TGFB2: variants seen among roughly 807,000 people sequenced by gnomAD.
TGFB2 encodes the protein transforming growth factor beta-2 proprotein.
In TGFB2, 13 loss-of-function variants were observed where a neutral mutation model predicts 42.7. The observed-to-expected ratio is 0.30, with a 90% CI of 0.20 to 0.48. The LOEUF is 0.48. Among genes scored for constraint, TGFB2 ranks in the 20% least tolerant of loss-of-function variants. The pLI is 0.99. For synonymous variants in TGFB2, 193 were observed against 193.6 expected (o/e 1.00, Z 0.03); for missense variants, 390 against 517.5 (o/e 0.75, Z 2.39).
intron 2 of TGFB2, among the ~76,000 whole-genome samples, chr1:218,422,543 A>G (rs1452278287): frequency 6.6e-6 from 1 of 152,136 alleles, no homozygotes; most frequent in Admixed American, 6.6e-5. Context: ...CTAATGAACC[A>G]GCACATCCCT....
intron 1 of TGFB2, among the ~76,000 whole-genome samples, chr1:218,363,787 C>A (rs1359635815): frequency 6.6e-6 from 1 of 152,088 alleles, no homozygotes; most frequent in Non-Finnish European, 1.5e-5. Flanking sequence ...CTTTTTATAT[C>A]TTTATTTGTA....
At chr1:218,388,716 T>C (rs775208821) in intron 1 of TGFB2, among the ~76,000 whole-genome samples, 3 of 152,206 alleles carry the variant, frequency 2.0e-5, no homozygotes, top group African/African-American at 7.2e-5. Context: ...CTTCCAGACA[T>C]TGTACACTCT....
chr1:218,405,471 C>A, intron 2 of TGFB2, 139 bp downstream of exon 2: 1 of 1,454,178 alleles, frequency 6.9e-7, no homozygotes, highest in Non-Finnish European at 9.4e-7. Context: ...TTCAAACGAT[C>A]CGCTTGCCTC....
Position 218,346,717 on chromosome 1 carries a change from C to T in TGFB2, c.16C>T (p.Leu6=), listed in dbSNP as rs759598088. Residue 6 remains leucine (L), a synonymous_variant, in exon 1 of 7, where the codon CTG becomes TTG. Coordinates refer to ENST00000366930, the MANE Select transcript of TGFB2 (RefSeq NM_003238.6). The surrounding 1 kb of genome is among the most constrained non-coding windows in gnomAD (Gnocchi z 4.9). The stretch of plus-strand genomic sequence containing the variant: ...TTTTTAAAAAATGCACTACTGTGTG[C>T]TGAGCGCTTTTCTGATCCTGCATCT... The part of the protein sequence containing the change: MHYCV[L]SAFLILHLVT... 1 of 1,612,556 alleles carries T rather than the reference C, an allele frequency of 6.2e-7. No homozygotes were observed. Among genetic ancestry groups the T allele is most frequent in the South Asian group, 1.1e-5 (1 of 90,832 alleles).
chr1:218,405,367 G>A (rs375096426), intron 2 of TGFB2, 35 bp downstream of exon 2: 19 of 1,611,358 alleles, frequency 1.2e-5, no homozygotes, highest in Non-Finnish European at 1.4e-5. Flanking sequence ...TGTTGTTGTT[G>A]TTGTTGTTTT....
chr1:218,438,039 C>G (rs1378549814), intron 6 of TGFB2, among the ~76,000 whole-genome samples: 1 of 152,106 alleles, frequency 6.6e-6, no homozygotes, highest in African/African-American at 2.4e-5. Context: ...TTATTGTTAA[C>G]TATAGTAACC....
At chr1:218,389,903 G>A (rs1041386368) in intron 1 of TGFB2, among the ~76,000 whole-genome samples, 8 of 152,182 alleles carry the variant, frequency 5.3e-5, no homozygotes, top group South Asian at 4.1e-4. Context: ...CCTGACATAC[G>A]AGAAGTGATT....
At position 218,409,560 on chromosome 1, in the gene TGFB2, A is replaced by G. The variant is rs1571879094; in HGVS notation, c.510+4228A>G. 3.3e-5 allele frequency among the ~76,000 whole-genome samples: 5 copies of G among 152,322 alleles called. 1 individual carries two copies. The highest frequency in any genetic ancestry group is 3.3e-4 in the Admixed American group (5 of 15,304). On this transcript the variant is annotated intron_variant, in intron 2 of 6. Transcript: ENST00000366930. ...ATTACAGGAATTGATGCCGATGGTA[A>G]TAACCTTGAATTATGAAGATGAGGC...
intron 1 of TGFB2, among the ~76,000 whole-genome samples, chr1:218,373,681 C>T (rs1478005008): frequency 6.6e-6 from 1 of 151,780 alleles, no homozygotes; most frequent in East Asian, 1.9e-4. Context: ...TCATCCTATT[C>T]ATCACTCCTC....
At chr1:218,429,282 A>G (rs1327892950) in intron 2 of TGFB2, among the ~76,000 whole-genome samples, 1 of 152,098 alleles carries the variant, frequency 6.6e-6, no homozygotes, top group African/African-American at 2.4e-5. Context: ...TGCCTGGCCT[A>G]TTCTGCTTTT....
intron 1 of TGFB2, among the ~76,000 whole-genome samples, 153 bp downstream of exon 1, chr1:218,347,200 T>C (rs1163032951): frequency 3.9e-5 from 6 of 152,192 alleles, no homozygotes; most frequent in Admixed American, 3.9e-4. Flanking sequence ...TCCTTTTCAG[T>C]TGTATGCTTG....
chr1:218,372,423 G>T (rs1657602723), intron 1 of TGFB2, among the ~76,000 whole-genome samples: 1 of 152,186 alleles, frequency 6.6e-6, no homozygotes, highest in South Asian at 2.1e-4. Context: ...TTGCTTCTCT[G>T]TTTTCCTGGT....
chr1:218,416,312 A>G (rs1403497902), intron 2 of TGFB2, among the ~76,000 whole-genome samples: 1 of 151,916 alleles, frequency 6.6e-6, no homozygotes, highest in Non-Finnish European at 1.5e-5. Context: ...TCATGTTGTA[A>G]ATGTTCAGTA....
At chr1:218,387,951 C>G (rs956797354) in intron 1 of TGFB2, among the ~76,000 whole-genome samples, 1 of 152,034 alleles carries the variant, frequency 6.6e-6, no homozygotes, top group Non-Finnish European at 1.5e-5. Flanking sequence ...TCCCCCCACC[C>G]CCACTGGCAT....
intron 1 of TGFB2, among the ~76,000 whole-genome samples, chr1:218,376,619 C>T (rs944498080): frequency 3.9e-5 from 6 of 152,152 alleles, no homozygotes; most frequent in Non-Finnish European, 7.4e-5. Context: ...CTCTTTAAGC[C>T]TCAGTTTCTT....
At chr1:218,431,390 T>C (rs192177666) in intron 2 of TGFB2, among the ~76,000 whole-genome samples, 1 of 152,228 alleles carries the variant, frequency 6.6e-6, no homozygotes, top group Non-Finnish European at 1.5e-5. Flanking sequence ...AGGTGGAAGA[T>C]TTATATAGAT....
At chr1:218,411,648 T>C (rs1006363209) in intron 2 of TGFB2, among the ~76,000 whole-genome samples, 5 of 152,116 alleles carry the variant, frequency 3.3e-5, no homozygotes, top group Non-Finnish European at 7.4e-5. Flanking sequence ...GGCAGGTGGA[T>C]CTCTTGAGCC....
intron 4 of TGFB2, among the ~76,000 whole-genome samples, chr1:218,435,229 A>G (rs1258605474): frequency 6.6e-6 from 1 of 152,192 alleles, no homozygotes; most frequent in Non-Finnish European, 1.5e-5. Flanking sequence ...TTAGAAGACT[A>G]CAGCAGCCCT....
At chr1:218,414,417 C>T (rs915758743) in intron 2 of TGFB2, among the ~76,000 whole-genome samples, 2 of 152,172 alleles carry the variant, frequency 1.3e-5, no homozygotes, top group African/African-American at 2.4e-5. Context: ...CATAATTTTA[C>T]AGCATACAAT....
Sources: allele counts gnomAD v4.1 joint callset (sites outside exome capture counted in the v4.1 genomes callset), GRCh38; gene constraint gnomAD v4.1.1; non-coding constraint Gnocchi (gnomAD v3.1); transcripts MANE v1.5; gene names NCBI Gene and HGNC (gene_info 2026-07-23, HGNC 2026-07-21).